TAF3: variants seen among roughly 807,000 people sequenced by gnomAD.
TAF3 encodes the protein TATA-box binding protein associated factor 3.
Under a neutral mutation model 80.6 loss-of-function variants are expected in TAF3, and 7 were observed. That is an observed-to-expected ratio of 0.09 (90% CI 0.05 to 0.16). TAF3 has a LOEUF of 0.16. TAF3 is among the 10% of genes least tolerant of loss of function. TAF3 has a pLI of 1.00. For missense variants in TAF3, 921 were observed against 1,140.2 expected, an observed-to-expected ratio of 0.81 and a Z score of 2.77; for synonymous variants, 444 against 446.1, an observed-to-expected ratio of 1.00 and a Z score of 0.06.
chr10:7,960,954 G>C (rs540391189), intron 2 of TAF3, among the ~76,000 whole-genome samples: 4 of 152,282 alleles, frequency 2.6e-5, no homozygotes, highest in South Asian at 4.1e-4. Context: ...TCCAAGGGAT[G>C]CCTTTTACAA....
At chr10:7,841,407 T>G (rs1186656715) in intron 2 of TAF3, among the ~76,000 whole-genome samples, 1 of 152,240 alleles carries the variant, frequency 6.6e-6, no homozygotes, top group Non-Finnish European at 1.5e-5. Context: ...GCTGGACTCA[T>G]GTTTATATAC....
intron 2 of TAF3, among the ~76,000 whole-genome samples, chr10:7,881,500 C>A (rs1837361813): frequency 6.6e-6 from 1 of 151,890 alleles, no homozygotes; most frequent in African/African-American, 2.4e-5. Flanking sequence ...AACACACACA[C>A]ACACACACAC....
At chr10:7,837,971 C>G (rs184411846) in intron 2 of TAF3, among the ~76,000 whole-genome samples, 72 of 152,284 alleles carry the variant, frequency 4.7e-4, no homozygotes, top group Non-Finnish European at 9.9e-4. Flanking sequence ...GTAAAAGCAG[C>G]CATCAAATAA....
At chr10:7,845,785 T>C (rs1027108875) in intron 2 of TAF3, among the ~76,000 whole-genome samples, 1 of 152,184 alleles carries the variant, frequency 6.6e-6, no homozygotes, top group African/African-American at 2.4e-5. Flanking sequence ...CTTAGTCTTT[T>C]CTGATTTTTA....
chr10:7,825,970 C>T (rs11255384), intron 2 of TAF3, among the ~76,000 whole-genome samples: 25,806 of 152,006 alleles, frequency 0.17, 2,614 homozygotes, highest in East Asian at 0.52. Flanking sequence ...ATCAGCAGTG[C>T]CCAAGGGTTC....
Position 7,845,259 on chromosome 10 carries a change from A to G in TAF3, c.409+20699A>G, listed in dbSNP as rs575415568. ...AACTACCAAAAAAAAAAAATCTCCC[A>G]CTGGAATATAACTGCTGTTATTTTT... On this transcript the variant is annotated intron_variant, in intron 2 of 6. Coordinates refer to ENST00000344293, the MANE Select transcript of TAF3 (RefSeq NM_031923.4). Among the ~76,000 whole-genome samples, 10 of 151,742 alleles carry G rather than the reference A, an allele frequency of 6.6e-5. 1 individual carries two copies. The highest frequency in any genetic ancestry group is 2.2e-4 in the African/African-American group (9 of 41,376).
At chr10:7,965,821 T>TTCG in intron 3 of TAF3, 79 bp downstream of exon 3, 1 of 1,410,522 alleles carries the variant, frequency 7.1e-7, no homozygotes, top group Non-Finnish European at 9.2e-7. Context: ...CACAATTATA[T>TTCG]CTGTATTCTG....
chr10:7,909,606 A>C (rs1564361430), intron 2 of TAF3, among the ~76,000 whole-genome samples: 1 of 152,212 alleles, frequency 6.6e-6, no homozygotes, highest in Non-Finnish European at 1.5e-5. Flanking sequence ...TGATGAATTA[A>C]AGTTTAGAAA....
chr10:7,984,597 G>C (rs971187784), intron 4 of TAF3, among the ~76,000 whole-genome samples: 1 of 152,140 alleles, frequency 6.6e-6, no homozygotes, highest in African/African-American at 2.4e-5. Context: ...TCCTTAATGG[G>C]TCCAGGTCTT....
chr10:7,842,170 T>G (rs1264018050), intron 2 of TAF3, among the ~76,000 whole-genome samples: 215 of 96,328 alleles, frequency 2.2e-3, no homozygotes, highest in African/African-American at 8.0e-3. Context: ...TTTTGTTTTT[T>G]TTTTTGTTTT....
intron 2 of TAF3, among the ~76,000 whole-genome samples, chr10:7,851,194 T>C (rs1444883913): frequency 1.3e-5 from 2 of 152,126 alleles, no homozygotes; most frequent in Non-Finnish European, 2.9e-5. Context: ...AATATGCTAG[T>C]CAGGGGAACT....
chr10:7,894,459 C>A (rs1030437162), intron 2 of TAF3, among the ~76,000 whole-genome samples: 1 of 152,176 alleles, frequency 6.6e-6, no homozygotes, highest in Non-Finnish European at 1.5e-5. Context: ...ATGTCTTCAT[C>A]CTAGCAAGTG....
chr10:7,986,660 G>C (rs1169762177), intron 4 of TAF3, among the ~76,000 whole-genome samples: 3 of 152,126 alleles, frequency 2.0e-5, no homozygotes, highest in Admixed American at 6.6e-5. Context: ...CTTCCGCTCA[G>C]CATCTTCAAG....
At chr10:7,957,813 C>G (rs1838152266) in intron 2 of TAF3, among the ~76,000 whole-genome samples, 1 of 151,704 alleles carries the variant, frequency 6.6e-6, no homozygotes, top group Non-Finnish European at 1.5e-5. Flanking sequence ...CTCTCTCTCT[C>G]TCTCTCTCTC....
At chr10:7,890,856 C>G (rs1027410480) in intron 2 of TAF3, among the ~76,000 whole-genome samples, 4 of 152,138 alleles carry the variant, frequency 2.6e-5, no homozygotes, top group Non-Finnish European at 5.9e-5. Context: ...TTTAGGTTTC[C>G]TTAGAAATAA....
chr10:7,848,014 C>T (rs1384921329), intron 2 of TAF3, among the ~76,000 whole-genome samples: 4 of 152,196 alleles, frequency 2.6e-5, no homozygotes, highest in African/African-American at 7.2e-5. Flanking sequence ...AGGTGATCCA[C>T]CCATCTTGGC....
In TAF3 at chr10:7,965,540, T is replaced by C. The variant is rs1831561921; in HGVS notation, c.2030T>C (p.Met677Thr). ...GCCACAGCCTCCAGGGTCCCAGCCA[T>C]GCTGCCATCTTTGTTGCCAGTGCTT... ...SPATASRVPA[M>T]LPSLLPVLPE... is the part of the protein sequence containing the mutation. Residue 677 changes from methionine to threonine, a missense_variant, in exon 3 of 7, where the codon ATG (methionine) becomes ACG (threonine). Transcript: ENST00000344293. The C allele has an allele frequency of 6.2e-7, 1 of 1,601,668 alleles. No individual in the cohort carries two copies. Among genetic ancestry groups the C allele is most frequent in the Non-Finnish European group, 8.5e-7 (1 of 1,177,208 alleles).
chr10:7,943,877 T>C (rs1837998882), intron 2 of TAF3, among the ~76,000 whole-genome samples: 1 of 152,304 alleles, frequency 6.6e-6, no homozygotes, highest in African/African-American at 2.4e-5. Flanking sequence ...ACTGATTTGC[T>C]TTATTTGGAG....
intron 4 of TAF3, among the ~76,000 whole-genome samples, chr10:7,989,794 TGTTA>T (rs1302780962): frequency 1.3e-5 from 2 of 152,184 alleles, no homozygotes; most frequent in African/African-American, 4.8e-5. Flanking sequence ...AGAGAATGAT[TGTTA>T]GTTAGGTAAA....
Sources: gnomAD v4.1 joint callset for allele counts (sites outside exome capture counted in the v4.1 genomes callset) on GRCh38, gnomAD v4.1.1 for gene constraint, MANE v1.5 for transcripts, NCBI Gene and HGNC (gene_info 2026-07-23, HGNC 2026-07-21) for gene names.